Variants in BRWD3 observed in about 807,000 individuals in gnomAD.
The protein encoded by BRWD3 is bromodomain and WD repeat domain containing 3, also known as bromodomain and WD repeat-containing protein 3.
BRWD3 carries 10 observed loss-of-function variants against 149.7 expected under a neutral mutation model. The observed-to-expected ratio is 0.07, with a 90% confidence interval of 0.04 to 0.11. BRWD3 has a LOEUF of 0.11. BRWD3 is among the 10% of genes least tolerant of loss of function. The pLI is 1.00. For missense variants in BRWD3, 940 were observed against 1,373.2 expected (o/e 0.68, Z 4.99); for synonymous variants, 504 against 456.7 (o/e 1.10, Z -1.32).
intron 6 of BRWD3, among the ~76,000 whole-genome samples, chrX:80,770,071 T>G (rs994477493): frequency 3.7e-4 from 41 of 111,554 alleles, no homozygotes; most frequent in Non-Finnish European, 9.4e-5. Flanking sequence ...AATCCCTGAA[T>G]AGACCACTAA....
intron 6 of BRWD3, among the ~76,000 whole-genome samples, chrX:80,778,550 T>C (rs775560181): frequency 8.9e-6 from 1 of 112,520 alleles, no homozygotes; most frequent in African/African-American, 3.2e-5. Context: ...TAGATCAGGC[T>C]TCTTGTACCA....
rs376501012 is a variant in BRWD3, at chrX:80,723,912, T to C, written c.1522-36A>G. ...GAGGAGTCTCAAGTCATCTTAAGAG[T>C]AATTTTCAAATAATAGATAGGCGGT... On this transcript the variant is annotated intron_variant, in intron 15 of 40. Coordinates refer to ENST00000373275, the MANE Select transcript of BRWD3 (RefSeq NM_153252.5). 5.1e-5 allele frequency: 61 copies of C among 1,191,423 alleles called. No homozygotes were observed. In the African/African-American group the frequency reaches 7.6e-4, roughly 15 times the overall value.
chrX:80,723,959 T>C, intron 15 of BRWD3, 83 bp from the exon 16 acceptor site: 4 of 1,009,027 alleles, frequency 4.0e-6, no homozygotes, highest in Non-Finnish European at 5.5e-6. Flanking sequence ...GTTAATACCA[T>C]GGACTCTGTG....
At chrX:80,727,245 C>A (rs1282917271) in intron 14 of BRWD3, among the ~76,000 whole-genome samples, 1 of 111,341 alleles carries the variant, frequency 9.0e-6, no homozygotes, top group Non-Finnish European at 1.9e-5. Flanking sequence ...ACTCTTAGCC[C>A]ATTCCAATCT....
intron 6 of BRWD3, among the ~76,000 whole-genome samples, chrX:80,768,281 G>C (rs972693496): frequency 9.0e-6 from 1 of 110,939 alleles, no homozygotes; most frequent in Non-Finnish European, 1.9e-5. Context: ...ATAATTGTCA[G>C]ATTCCCCAAG....
intron 4 of BRWD3, among the ~76,000 whole-genome samples, chrX:80,808,059 C>A (rs1302183943): frequency 1.1e-5 from 1 of 92,759 alleles, no homozygotes; most frequent in Admixed American, 1.2e-4. Flanking sequence ...ACGCCTCCCC[C>A]CTGCCCCCCC....
At chrX:80,747,708 A>C (rs1452935895) in intron 6 of BRWD3, among the ~76,000 whole-genome samples, 1 of 111,914 alleles carries the variant, frequency 8.9e-6, no homozygotes, top group Non-Finnish European at 1.9e-5. Flanking sequence ...CGTAAATGGA[A>C]TTGTTTCACT....
chrX:80,723,310 T>C (rs780097506), intron 16 of BRWD3, among the ~76,000 whole-genome samples: 53 of 107,682 alleles, frequency 4.9e-4, no homozygotes, highest in South Asian at 2.6e-3. Flanking sequence ...TAATAAAACA[T>C]AAAGACCAAT....
chrX:80,688,186 G>GATGGACATTTACAA (rs1947752763), intron 33 of BRWD3, 61 bp from the exon 34 acceptor site: 9 of 892,639 alleles, frequency 1.0e-5, no homozygotes, highest in Non-Finnish European at 1.5e-5. Flanking sequence ...ATATAAATTA[G>GATGGACATTTACAA]ATGGACATTT....
intron 6 of BRWD3, among the ~76,000 whole-genome samples, chrX:80,773,580 T>G (rs761073348): frequency 8.9e-6 from 1 of 111,833 alleles, no homozygotes; most frequent in East Asian, 2.8e-4. Flanking sequence ...CTAAGCTAAC[T>G]AAGCTAGCTC....
chrX:80,708,333 C>T (rs1240819811), intron 21 of BRWD3, among the ~76,000 whole-genome samples: 1 of 109,429 alleles, frequency 9.1e-6, no homozygotes, highest in Non-Finnish European at 1.9e-5. Flanking sequence ...GAGGTGGAGG[C>T]TGTAGACAGC....
chrX:80,807,802 T>A (rs1222235516), intron 4 of BRWD3, among the ~76,000 whole-genome samples: 1 of 111,610 alleles, frequency 9.0e-6, no homozygotes, highest in Non-Finnish European at 1.9e-5. Context: ...CAAAATCGTG[T>A]TTCACCAATT....
At position 80,695,919 on chromosome X, in the gene BRWD3, T is replaced by C; in HGVS notation, c.3140A>G (p.Asn1047Ser). The stretch of plus-strand genomic sequence containing the variant: ...AATTCTATATTTACCAATCTGCCAG[T>C]TCCTTTCTTTGGCTTCATTATAAAA... ...HQFYNEAKER[N>S]WQIGDRFRSI... Residue 1047 changes from asparagine (N) to serine (S), a missense_variant, in exon 27 of 41, where the codon AAC becomes AGC. By Grantham distance (46) the Asn-to-Ser change is conservative. This residue lies in a region of BRWD3 where 158 missense variants were observed against 284.0 expected (regional missense o/e 0.56). Transcript: ENST00000373275. The C allele has an allele frequency of 8.3e-7, 1 of 1,208,395 alleles. No homozygotes were observed. The highest frequency in any genetic ancestry group is 1.1e-6 in the Non-Finnish European group (1 of 892,644).
At chrX:80,778,979 A>C (rs1451025310) in intron 6 of BRWD3, among the ~76,000 whole-genome samples, 1 of 111,987 alleles carries the variant, frequency 8.9e-6, no homozygotes. Context: ...AGCCAGGGCA[A>C]TAGAGCAAGA....
intron 12 of BRWD3, among the ~76,000 whole-genome samples, chrX:80,730,816 T>C (rs759602052): frequency 8.9e-6 from 1 of 112,215 alleles, no homozygotes; most frequent in East Asian, 2.8e-4. Context: ...AAAAATTGAA[T>C]TGAACTACAT....
chrX:80,718,174 A>G (rs1457956362), intron 18 of BRWD3, among the ~76,000 whole-genome samples: 1 of 111,913 alleles, frequency 8.9e-6, no homozygotes, highest in East Asian at 2.8e-4. Flanking sequence ...ACTTTCAAAA[A>G]TGTTAAGATT....
intron 8 of BRWD3, among the ~76,000 whole-genome samples, chrX:80,743,246 C>T (rs1482416526): frequency 8.9e-6 from 1 of 111,838 alleles, no homozygotes; most frequent in Non-Finnish European, 1.9e-5. Flanking sequence ...GGGATGAAGT[C>T]CACTTGATCA....
intron 5 of BRWD3, among the ~76,000 whole-genome samples, chrX:80,792,421 G>T (rs758206720): frequency 1.8e-4 from 20 of 112,155 alleles, no homozygotes; most frequent in African/African-American, 6.1e-4. Flanking sequence ...ACAGATAACA[G>T]CACTGCATAT....
intron 36 of BRWD3, among the ~76,000 whole-genome samples, chrX:80,685,050 A>G (rs2072502827): frequency 2.7e-5 from 3 of 111,789 alleles, no homozygotes; most frequent in African/African-American, 9.7e-5. Flanking sequence ...CTTAAATCAT[A>G]AAAAAACAGA....
Sources: allele counts gnomAD v4.1 joint callset (sites outside exome capture counted in the v4.1 genomes callset), GRCh38; gene constraint gnomAD v4.1.1; regional missense constraint gnomAD v4.1.1; transcripts MANE v1.5; gene names NCBI Gene and HGNC (gene_info 2026-07-23, HGNC 2026-07-21).